The following TMEM232 variants were observed in gnomAD, a reference collection of about 807,000 sequenced individuals.
TMEM232 encodes the protein transmembrane protein 232.
A neutral mutation model predicts 78.8 loss-of-function variants in TMEM232; 80 were observed. The ratio of observed to expected loss-of-function variants is 1.01; its 90% CI spans 0.85 to 1.22. The LOEUF is 1.22. TMEM232 is among the 50% of genes most tolerant of loss of function. The pLI, the probability that TMEM232 is intolerant of heterozygous loss-of-function variation, is 0.00. For synonymous variants in TMEM232, 297 were observed against 254.3 expected (o/e 1.17, Z -1.60); for missense variants, 881 against 742.2 (o/e 1.19, Z -2.17).
At chr5:110,652,891 A>G (rs1788534312) in intron 2 of TMEM232, among the ~76,000 whole-genome samples, 1 of 152,252 alleles carries the variant, frequency 6.6e-6, no homozygotes, top group Admixed American at 6.5e-5. Context: ...TGGAACACAC[A>G]GTAAATAAAG....
intron 12 of TMEM232, among the ~76,000 whole-genome samples, chr5:110,437,535 A>G (rs1758571077): frequency 6.6e-6 from 1 of 152,002 alleles, no homozygotes; most frequent in Non-Finnish European, 1.5e-5. Context: ...TTTCAGTAAT[A>G]CTTATTTCTT....
intron 7 of TMEM232, among the ~76,000 whole-genome samples, chr5:110,620,583 C>A (rs866783145): frequency 0.03 from 176 of 5,918 alleles, no homozygotes; most frequent in Non-Finnish European, 0.045. Context: ...TCATATCTCT[C>A]TCTCTCTCTC....
chr5:110,636,218 T>C (rs927849567), intron 5 of TMEM232, among the ~76,000 whole-genome samples: 2 of 151,866 alleles, frequency 1.3e-5, no homozygotes, highest in Non-Finnish European at 2.9e-5. Context: ...CTTGCTCTCA[T>C]GGACAAAGAG....
chr5:110,523,238 T>A (rs1769812963), intron 12 of TMEM232, among the ~76,000 whole-genome samples: 1 of 152,152 alleles, frequency 6.6e-6, no homozygotes, highest in Non-Finnish European at 1.5e-5. Flanking sequence ...TTCTGTGGCA[T>A]CAACTGTAGC....
intron 5 of TMEM232, among the ~76,000 whole-genome samples, chr5:110,633,099 G>C (rs114238608): frequency 0.011 from 1,634 of 152,098 alleles, 22 homozygotes; most frequent in Non-Finnish European, 0.014. Context: ...AAAAAAACTT[G>C]ACACTTGAAA....
At chr5:110,685,478 G>T (rs10478021) in intron 1 of TMEM232, among the ~76,000 whole-genome samples, 14,313 of 151,996 alleles carry the variant, frequency 0.094, 804 homozygotes, top group South Asian at 0.2. Context: ...ACACTAACTA[G>T]AATTGCTAAC....
chr5:110,695,174 A>T lies in TMEM232; in HGVS notation c.-12-27810T>A, dbSNP rs575312165. ...CACTCAAAACCACTCAACTACATGG[A>T]AACTGAACAACCTGCTCCTGAATGA... On this transcript the variant is annotated intron_variant, in intron 1 of 13. Transcript: ENST00000455884. 7.4e-3 allele frequency among the ~76,000 whole-genome samples: 1,131 copies of T among 152,354 alleles called. 13 individuals are homozygous for T. The highest frequency in any genetic ancestry group is 0.013 in the Non-Finnish European group (893 of 68,034).
At chr5:110,703,116 A>G (rs1448423640) in intron 1 of TMEM232, among the ~76,000 whole-genome samples, 1 of 152,062 alleles carries the variant, frequency 6.6e-6, no homozygotes, top group Non-Finnish European at 1.5e-5. Flanking sequence ...AAAGGCTACT[A>G]TAACACAAAT....
At position 110,568,636 on chromosome 5, in the gene TMEM232, A is replaced by G; in HGVS notation, c.1277-11T>C. Reference sequence around the variant, plus strand: ...AGACTACTTGATCACCTGTTTAAAAAGAAAAAGTCTTTGGGAATTATCATT... The same window carrying G: ...AGACTACTTGATCACCTGTTTAAAAGGAAAAAGTCTTTGGGAATTATCATT... On this transcript the variant is annotated splice_polypyrimidine_tract_variant and intron_variant, in intron 10 of 13. Coordinates refer to ENST00000455884, the MANE Select transcript of TMEM232 (RefSeq NM_001039763.4). The G allele has an allele frequency of 6.6e-7, 1 of 1,523,818 alleles. No individual in the cohort carries two copies. The highest frequency in any genetic ancestry group is 1.3e-5 in the South Asian group (1 of 78,418). The allele number at this position is 1,523,818 out of a possible 1,614,324, so 94.4% of individuals were successfully genotyped here.
At chr5:110,726,284 C>G (rs1397687044) in intron 1 of TMEM232, among the ~76,000 whole-genome samples, 11 of 152,036 alleles carry the variant, frequency 7.2e-5, no homozygotes, top group Non-Finnish European at 1.5e-4. Context: ...CAAGGTTGCC[C>G]CAGGATAAGC....
At chr5:110,514,603 A>C (rs1444541054) in intron 12 of TMEM232, among the ~76,000 whole-genome samples, 1 of 152,140 alleles carries the variant, frequency 6.6e-6, no homozygotes, top group Non-Finnish European at 1.5e-5. Context: ...ACTTTAAATC[A>C]ATCAGAAAAA....
chr5:110,617,600 ACT>A (rs1783102601), intron 8 of TMEM232, among the ~76,000 whole-genome samples: 1 of 152,012 alleles, frequency 6.6e-6, no homozygotes, highest in Non-Finnish European at 1.5e-5. Flanking sequence ...TGAAACTATG[ACT>A]CTTCTTTTTC....
intron 8 of TMEM232, 53 bp from the exon 9 acceptor site, chr5:110,606,340 T>C: frequency 1.4e-6 from 2 of 1,434,038 alleles, no homozygotes; most frequent in Non-Finnish European, 9.3e-7. Context: ...ATAATAATAA[T>C]AATCAACTTT....
chr5:110,707,844 C>T (rs59985000), intron 1 of TMEM232, among the ~76,000 whole-genome samples: 2 of 152,070 alleles, frequency 1.3e-5, no homozygotes, highest in African/African-American at 4.8e-5. Context: ...GGTTAGGCAC[C>T]GTGCAGAGTC....
intron 1 of TMEM232, among the ~76,000 whole-genome samples, chr5:110,708,085 G>C (rs150514280): frequency 2.6e-5 from 4 of 152,124 alleles, no homozygotes; most frequent in African/African-American, 9.7e-5. Flanking sequence ...CAGTACACTT[G>C]CAGTTATGGT....
intron 10 of TMEM232, among the ~76,000 whole-genome samples, 186 bp downstream of exon 10, chr5:110,604,923 C>T (rs1355568018): frequency 1.3e-5 from 2 of 152,014 alleles, no homozygotes; most frequent in African/African-American, 4.8e-5. Flanking sequence ...GCCACTGCAC[C>T]GCAGCCTGGG....
chr5:110,681,875 G>A (rs12109956), intron 1 of TMEM232, among the ~76,000 whole-genome samples: 72 of 152,118 alleles, frequency 4.7e-4, no homozygotes, highest in Non-Finnish European at 6.6e-4. Context: ...CTTCTCGGGA[G>A]AGTTATATGC....
chr5:110,616,308 C>A (rs1782924019), intron 8 of TMEM232, among the ~76,000 whole-genome samples: 1 of 151,898 alleles, frequency 6.6e-6, no homozygotes, highest in Non-Finnish European at 1.5e-5. Flanking sequence ...CAAGAATACA[C>A]AATAGAGAAA....
At chr5:110,496,853 C>T (rs1435369588) in intron 12 of TMEM232, among the ~76,000 whole-genome samples, 2 of 151,906 alleles carry the variant, frequency 1.3e-5, no homozygotes, top group African/African-American at 4.8e-5. Flanking sequence ...TGTCACTCAG[C>T]TACACTAAGA....
Sources: gnomAD v4.1 joint callset for allele counts (sites outside exome capture counted in the v4.1 genomes callset) on GRCh38, gnomAD v4.1.1 for gene constraint, MANE v1.5 for transcripts, NCBI Gene and HGNC (gene_info 2026-07-23, HGNC 2026-07-21) for gene names.